Variants in GAR1 observed in about 807,000 individuals in gnomAD.
GAR1 encodes the protein GAR1 ribonucleoprotein, also known as H/ACA ribonucleoprotein complex subunit 1.
In GAR1, 11 loss-of-function variants were observed where a neutral mutation model predicts 29.3. The ratio of observed to expected loss-of-function variants is 0.38; its 90% CI spans 0.24 to 0.62. The LOEUF (loss-of-function observed/expected upper bound fraction) is 0.62, where lower values mean the gene tolerates loss of function less well. GAR1 is among the 20% of genes least tolerant of loss of function. The probability of loss-of-function intolerance (pLI) is 0.62; values close to 1 mark genes in which losing one functional copy is unlikely to be tolerated. For missense variants in GAR1, 237 were observed against 268.4 expected, an observed-to-expected ratio of 0.88 and a Z score of 0.82; for synonymous variants, 87 against 93.3, an observed-to-expected ratio of 0.93 and a Z score of 0.39.
chr4:109,818,880 C>G (rs1364088069), intron 3 of GAR1, 121 bp from the exon 4 acceptor site: 3 of 591,142 alleles, frequency 5.1e-6, no homozygotes, highest in Non-Finnish European at 9.2e-6. Flanking sequence ...AAATTCATTT[C>G]TTATCTTTCC....
At chr4:109,815,712 G>A (rs1733327977), upstream of GAR1, 1 of 176,882 alleles carries the variant, frequency 5.7e-6, no homozygotes, top group African/African-American at 2.4e-5. Flanking sequence ...AAACTCTGTG[G>A]CGGTACGGTA....
At chr4:109,817,304 G>A (rs894034422) in intron 2 of GAR1, among the ~76,000 whole-genome samples, 1 of 152,176 alleles carries the variant, frequency 6.6e-6, no homozygotes, top group Non-Finnish European at 1.5e-5. Context: ...TTTTGAGCTT[G>A]GGTGATAGGA....
rs745745620 is a variant in GAR1 at position 109,824,443 on chromosome 4, G to A, written c.*12G>A. 7 of 1,582,838 alleles carry A rather than the reference G, an allele frequency of 4.4e-6. No individual in the cohort carries two copies. In the South Asian group the frequency reaches 5.5e-5, roughly 13 times the overall value. On this transcript the variant is annotated 3_prime_UTR_variant, in exon 7 of 7. Coordinates refer to ENST00000226796, the MANE Select transcript of GAR1 (RefSeq NM_018983.4). ...GGAGAGGACATTAAGTGAAACAGTT[G>A]ACAGACATCACCAGTTGACTTCTGC...
chr4:109,819,155 C>G (rs760336666), intron 4 of GAR1, 95 bp downstream of exon 4: 1 of 773,420 alleles, frequency 1.3e-6, no homozygotes. Context: ...ACTTTCCCAA[C>G]ATATCACTAG....
Position 109,817,971 on chromosome 4 carries a change from A to G in GAR1, c.250A>G (p.Ile84Val). 6.2e-7 allele frequency: 1 copy of G among 1,609,716 alleles called. No homozygotes were observed. Among genetic ancestry groups the G allele is most frequent in the Non-Finnish European group, 8.5e-7 (1 of 1,177,490 alleles). Reference sequence around the variant, plus strand: ...GTTCCTGCATCCCTGTGAAGATGACATAGTTTGTAAATGTACCACAGATGA... The same window carrying G: ...GTTCCTGCATCCCTGTGAAGATGACGTAGTTTGTAAATGTACCACAGATGA... ...GEFLHPCEDD[I>V]VCKCTTDENK... Residue 84 changes from isoleucine (I) to valine (V), a missense_variant, in exon 3 of 7, where the codon ATA (isoleucine) becomes GTA (valine). By Grantham distance (29) the Ile-to-Val change is conservative. Transcript: ENST00000226796.
At chr4:109,818,175 G>A in intron 3 of GAR1, 85 bp downstream of exon 3, 1 of 946,570 alleles carries the variant, frequency 1.1e-6, no homozygotes, top group South Asian at 1.6e-5. Flanking sequence ...ATAAATTAAA[G>A]TTGTTGCTTC....
chr4:109,820,572 TAAAAA>T (rs1198928380), intron 4 of GAR1, among the ~76,000 whole-genome samples: 1 of 144,396 alleles, frequency 6.9e-6, no homozygotes, highest in South Asian at 2.2e-4. Context: ...AATTGCCAGT[TAAAAA>T]AAAAAAGGCA....
intron 4 of GAR1, among the ~76,000 whole-genome samples, chr4:109,820,240 A>C (rs1402915912): frequency 1.3e-5 from 2 of 152,206 alleles, no homozygotes; most frequent in Non-Finnish European, 2.9e-5. Context: ...AAGAAGTAAA[A>C]AAATCACCAT....
chr4:109,823,865 G>C (rs999106483), intron 5 of GAR1, 100 bp from the exon 6 acceptor site: 8 of 671,080 alleles, frequency 1.2e-5, no homozygotes, highest in Admixed American at 5.1e-5. Context: ...ATCTTTTTAG[G>C]CTTATCAATA....
intron 5 of GAR1, 63 bp from the exon 6 acceptor site, chr4:109,823,902 A>G (rs970283865): frequency 1.1e-5 from 12 of 1,046,630 alleles, no homozygotes; most frequent in Admixed American, 1.7e-5. Context: ...TAATAACTTA[A>G]TGATTATTAT....
chr4:109,816,282 A>G lies in GAR1; in HGVS notation c.118A>G (p.Asn40Asp), dbSNP rs746751617. ...TGGAGGCGGCGGTGGAGGCGGCGGC[A>G]ATTTCAGAGGCGGCGGCAGGGGAGG... The part of the protein sequence containing the change: ...RGGGGGGGGG[N>D]FRGGGRGGFG... The change falls in exon 2 of 7, where the codon AAT becomes GAT. Residue 40 changes from asparagine to aspartate, a missense_variant. Coordinates refer to ENST00000226796, the MANE Select transcript of GAR1 (RefSeq NM_018983.4). 7 of 1,611,188 alleles carry G rather than the reference A, an allele frequency of 4.3e-6. No individual in the cohort carries two copies. The highest frequency in any genetic ancestry group is 1.7e-5 in the Admixed American group (1 of 59,628).
intron 2 of GAR1, among the ~76,000 whole-genome samples, 153 bp from the exon 3 acceptor site, chr4:109,817,783 C>T (rs1462442762): frequency 6.6e-6 from 1 of 152,184 alleles, no homozygotes; most frequent in African/African-American, 2.4e-5. Context: ...AGTTGGTATA[C>T]CAGCCCAGGA....
chr4:109,819,272 CTCA>C, intron 4 of GAR1: 3 of 556,852 alleles, frequency 5.4e-6, no homozygotes, highest in Non-Finnish European at 9.5e-6. Flanking sequence ...ACAACTTTTG[CTCA>C]TATTACCAAA....
intron 4 of GAR1, among the ~76,000 whole-genome samples, chr4:109,821,480 C>T (rs969098114): frequency 6.6e-6 from 1 of 152,144 alleles, no homozygotes; most frequent in African/African-American, 2.4e-5. Context: ...ACAATATGCT[C>T]TTTACATCTC....
intron 5 of GAR1, among the ~76,000 whole-genome samples, chr4:109,822,938 A>T (rs565487202): frequency 6.6e-6 from 1 of 152,214 alleles, no homozygotes; most frequent in Non-Finnish European, 1.5e-5. Flanking sequence ...ATTTGCCCCA[A>T]TCAAACAATT....
chr4:109,823,666 T>C (rs1733576672), intron 5 of GAR1, among the ~76,000 whole-genome samples: 1 of 152,198 alleles, frequency 6.6e-6, no homozygotes, highest in African/African-American at 2.4e-5. Context: ...GCAATAGTCA[T>C]ACATTTAACA....
chr4:109,817,125 A>G (rs1265062062), intron 2 of GAR1, among the ~76,000 whole-genome samples: 5 of 152,188 alleles, frequency 3.3e-5, no homozygotes, highest in Admixed American at 6.5e-5. Flanking sequence ...TTTCTAGAAT[A>G]AAAGGTCCCA....
Position 109,819,079 on chromosome 4 carries a change from A to G in GAR1, c.429+19A>G, listed in dbSNP as rs548924128. On this transcript the variant is annotated intron_variant, in intron 4 of 6. Transcript: ENST00000226796. ...ACAGAAGGTGAGTCAAACTTATGAT[A>G]CTTGGGATCCTTGGTTTTATAAGGG... is the stretch of plus-strand genomic sequence containing the variant. 3.0e-5 allele frequency: 40 copies of G among 1,352,760 alleles called. No homozygotes were observed. The East Asian group carries it at 4.8e-4, about 16-fold the overall frequency. 83.8% of individuals were successfully genotyped at this position (1,352,760 alleles called of 1,614,324 possible).
chr4:109,816,161 G>C lies in GAR1; in HGVS notation c.-4G>C, dbSNP rs953434629. 7 of 1,611,276 alleles carry C rather than the reference G, an allele frequency of 4.3e-6. No individual in the cohort carries two copies. Among genetic ancestry groups the C allele is most frequent in the Non-Finnish European group, 5.9e-6 (7 of 1,179,228 alleles). On this transcript the variant is annotated 5_prime_UTR_variant, in exon 2 of 7. Coordinates refer to ENST00000226796, the MANE Select transcript of GAR1 (RefSeq NM_018983.4). ...CGTTTTTTTTTCATCAGGGAGGAGA[G>C]AGAATGTCTTTTCGAGGCGGAGGTC...
Sources: allele counts gnomAD v4.1 joint callset (sites outside exome capture counted in the v4.1 genomes callset), GRCh38; gene constraint gnomAD v4.1.1; transcripts MANE v1.5; gene names NCBI Gene and HGNC (gene_info 2026-07-23, HGNC 2026-07-21).